The following CACNB4 variants were observed in gnomAD, a reference collection of about 807,000 sequenced individuals.
CACNB4 encodes voltage-dependent L-type calcium channel subunit beta-4.
A neutral mutation model predicts 71.2 loss-of-function variants in CACNB4; 32 were observed. The observed-to-expected ratio is 0.45, with a 90% confidence interval of 0.34 to 0.60. The LOEUF (loss-of-function observed/expected upper bound fraction) is 0.60. Ranked by LOEUF, CACNB4 falls within the 20% of genes least tolerant of loss-of-function variation. The pLI, the probability that CACNB4 is intolerant of heterozygous loss-of-function variation, is 0.01. For synonymous variants in CACNB4, 231 were observed against 236.9 expected, an observed-to-expected ratio of 0.97 and a Z score of 0.23; for missense variants, 464 against 647.9, an observed-to-expected ratio of 0.72 and a Z score of 3.08.
Position 151,846,725 on chromosome 2 carries a change from T to C in CACNB4, c.1117-4637A>G, listed in dbSNP as rs773854928. ...GCACCACCACATCCAGCTAATTTTT[T>C]GTAGTTTTTGGTAGGGATGGGTTTT... On this transcript the variant is annotated intron_variant, in intron 12 of 13. Transcript: ENST00000539935. 4.8e-4 allele frequency among the ~76,000 whole-genome samples: 73 copies of C among 152,022 alleles called. 1 individual carries two copies. The highest frequency in any genetic ancestry group is 1.5e-4 in the Non-Finnish European group (10 of 68,020).
chr2:151,948,670 G>A (rs1002138576), intron 2 of CACNB4, among the ~76,000 whole-genome samples: 1 of 145,380 alleles, frequency 6.9e-6, no homozygotes, highest in African/African-American at 2.5e-5. Context: ...AAAAAAAAAA[G>A]AAAAAAAGTC....
chr2:152,015,282 G>A (rs531887452), intron 2 of CACNB4, among the ~76,000 whole-genome samples: 10 of 152,210 alleles, frequency 6.6e-5, no homozygotes, highest in East Asian at 5.8e-4. Context: ...ACAGGCACCC[G>A]CCACCATGCC....
intron 2 of CACNB4, among the ~76,000 whole-genome samples, chr2:151,940,639 A>G (rs1034181234): frequency 6.6e-6 from 1 of 152,200 alleles, no homozygotes; most frequent in African/African-American, 2.4e-5. Flanking sequence ...CGGAACTTCA[A>G]TTTCTTCATG....
intron 2 of CACNB4, among the ~76,000 whole-genome samples, chr2:152,065,992 A>G (rs552861990): frequency 6.6e-6 from 1 of 152,340 alleles, no homozygotes; most frequent in African/African-American, 2.4e-5. Context: ...GAAAACAAAG[A>G]AGAAAAGTGG....
At chr2:151,876,875 T>G (rs1303238234) in intron 4 of CACNB4, among the ~76,000 whole-genome samples, 2 of 115,368 alleles carry the variant, frequency 1.7e-5, no homozygotes, top group East Asian at 4.7e-4. Context: ...CTATACTATA[T>G]TATACTATAC....
At chr2:151,938,923 A>G (rs2099863577) in intron 2 of CACNB4, among the ~76,000 whole-genome samples, 1 of 152,206 alleles carries the variant, frequency 6.6e-6, no homozygotes, top group Admixed American at 6.5e-5. Flanking sequence ...AGGAAATTTA[A>G]GTTCTATCAG....
intron 2 of CACNB4, among the ~76,000 whole-genome samples, chr2:152,044,378 G>A (rs1560157517): frequency 1.3e-5 from 2 of 152,074 alleles, no homozygotes; most frequent in Non-Finnish European, 2.9e-5. Context: ...GCATCACCAT[G>A]CATGGCTGAT....
At chr2:152,066,386 T>G (rs1164071900) in intron 2 of CACNB4, among the ~76,000 whole-genome samples, 1 of 151,996 alleles carries the variant, frequency 6.6e-6, no homozygotes, top group East Asian at 1.9e-4. Flanking sequence ...AAAAAACACA[T>G]GAAAAAATGC....
chr2:151,926,637 A>G (rs2099860330), intron 2 of CACNB4, among the ~76,000 whole-genome samples: 1 of 152,224 alleles, frequency 6.6e-6, no homozygotes, highest in Non-Finnish European at 1.5e-5. Flanking sequence ...TAATAATATA[A>G]TAGCAGCATC....
intron 2 of CACNB4, among the ~76,000 whole-genome samples, chr2:152,045,771 G>C (rs995433424): frequency 6.6e-6 from 1 of 152,112 alleles, no homozygotes; most frequent in Admixed American, 6.5e-5. Flanking sequence ...CGGTACCTTA[G>C]GCATAGCTGT....
chr2:151,866,990 T>C (rs1243763485), intron 9 of CACNB4: 1 of 152,256 alleles, frequency 6.6e-6, no homozygotes, highest in African/African-American at 2.4e-5. Flanking sequence ...TACAATTAAA[T>C]AAATTCCCTT....
chr2:151,841,977 T>C lies in CACNB4; in HGVS notation c.1228A>G (p.Met410Val). The change falls in exon 13 of 14, where the codon ATG (methionine) becomes GTG (valine). Residue 410 changes from methionine (M) to valine (V), a missense_variant. Transcript: ENST00000539935. ...RATHTTSSTPMTPLLGRNLGS... is the reference protein window; with the variant it reads ...RATHTTSSTPVTPLLGRNLGS... ...AAATTCCTTCCCAGCAGCGGGGTCA[T>C]GGGTGTGCTACTGGTTGTGTGGGTG... The C allele has an allele frequency of 1.2e-6, 2 of 1,613,956 alleles. No individual in the cohort carries two copies. Among genetic ancestry groups the C allele is most frequent in the Middle Eastern group, 1.7e-4 (1 of 6,060 alleles).
chr2:151,921,811 T>G (rs903176370), intron 2 of CACNB4, among the ~76,000 whole-genome samples: 2 of 152,202 alleles, frequency 1.3e-5, no homozygotes. Flanking sequence ...TTTAAAAGTG[T>G]GTGGCACTTC....
At chr2:151,869,125 C>T in intron 9 of CACNB4, 52 bp downstream of exon 9, 2 of 1,035,442 alleles carry the variant, frequency 1.9e-6, no homozygotes, top group Non-Finnish European at 2.9e-6. Flanking sequence ...CAATTTATCA[C>T]ACAAGTTTGG....
chr2:151,970,990 TC>T (rs2099872383), intron 2 of CACNB4: 1 of 132,670 alleles, frequency 7.5e-6, no homozygotes, highest in South Asian at 2.1e-4. Flanking sequence ...AGACTCCGTC[TC>T]AAAAAAAAAA....
chr2:151,973,811 A>C, intron 2 of CACNB4: 1 of 1,535,116 alleles, frequency 6.5e-7, no homozygotes, highest in South Asian at 1.2e-5. Flanking sequence ...GTTTGGGAGA[A>C]CTGCGCCTGC....
intron 2 of CACNB4, among the ~76,000 whole-genome samples, chr2:152,036,871 C>T (rs925365285): frequency 6.6e-6 from 1 of 152,190 alleles, no homozygotes; most frequent in Non-Finnish European, 1.5e-5. Context: ...TCTGCCATGA[C>T]ATGAGATTCC....
chr2:151,948,453 A>T (rs1483376114), intron 2 of CACNB4, among the ~76,000 whole-genome samples: 1 of 152,162 alleles, frequency 6.6e-6, no homozygotes, highest in African/African-American at 2.4e-5. Flanking sequence ...TGAGCCCAGG[A>T]GTTTGAGACC....
At chr2:152,034,788 T>A (rs1684470190) in intron 2 of CACNB4, among the ~76,000 whole-genome samples, 1 of 152,090 alleles carries the variant, frequency 6.6e-6, no homozygotes, top group African/African-American at 2.4e-5. Context: ...GAAAAAAAAT[T>A]ATGAGGAAAA....
Sources: gnomAD v4.1 joint callset for allele counts (sites outside exome capture counted in the v4.1 genomes callset) on GRCh38, gnomAD v4.1.1 for gene constraint, MANE v1.5 for transcripts, NCBI Gene and HGNC (gene_info 2026-07-23, HGNC 2026-07-21) for gene names.